The following PDE1C variants were observed in gnomAD, a reference collection of about 807,000 sequenced individuals.
PDE1C encodes dual specificity calcium/calmodulin-dependent 3',5'-cyclic nucleotide phosphodiesterase 1C.
A neutral mutation model predicts 93.1 loss-of-function variants in PDE1C; 62 were observed. The ratio of observed to expected loss-of-function variants is 0.67; its 90% CI spans 0.54 to 0.82. The LOEUF (loss-of-function observed/expected upper bound fraction) is 0.82. PDE1C is among the 40% of genes least tolerant of loss of function. The probability of loss-of-function intolerance (pLI) is 0.00; values close to 1 mark genes in which losing one functional copy is unlikely to be tolerated. For missense variants in PDE1C, 742 were observed against 884.6 expected (o/e 0.84, Z 2.04); for synonymous variants, 325 against 310.1 (o/e 1.05, Z -0.50).
the PDE1C span, among the ~76,000 whole-genome samples, chr7:31,713,349 C>T: frequency 3.9e-5 from 6 of 152,246 alleles, no homozygotes; most frequent in Admixed American, 6.5e-5. Flanking sequence ...ATCCAGGTCA[C>T]GCTGATGCAA....
At chr7:32,076,176 G>C (rs995422880), upstream of PDE1C, among the ~76,000 whole-genome samples, 1 of 152,186 alleles carries the variant, frequency 6.6e-6, no homozygotes. Context: ...AGAGTGATTG[G>C]TCCAGGGGGT....
chr7:32,347,388 A>G (rs1197566884), intron 1 of PDE1C, among the ~76,000 whole-genome samples: 1 of 152,212 alleles, frequency 6.6e-6, no homozygotes, highest in Non-Finnish European at 1.5e-5. Flanking sequence ...TGTTATTAGA[A>G]TAAGAATCAA....
rs562937850 is a variant in PDE1C, at chr7:32,270,731, A to T, written c.85+27920T>A. ...CTTGGGGCATGAGGATACACAGTGC[A>T]GAGGGCTCTGGAGCACGTGGGATCC... On this transcript the variant is annotated intron_variant, in intron 1 of 18. Coordinates refer to the PDE1C transcript ENST00000396193. 3.3e-5 allele frequency among the ~76,000 whole-genome samples: 5 copies of T among 152,280 alleles called. No homozygotes were observed. The South Asian group carries it at 1.0e-3, about 32-fold the overall frequency.
chr7:31,705,005 C>G, the PDE1C span, among the ~76,000 whole-genome samples: 21 of 152,118 alleles, frequency 1.4e-4, no homozygotes, highest in African/African-American at 5.1e-4. Flanking sequence ...TCCATGAAAT[C>G]AAGATTTCTA....
At chr7:31,845,561 G>A (rs1364458501) in intron 9 of PDE1C, among the ~76,000 whole-genome samples, 1 of 152,054 alleles carries the variant, frequency 6.6e-6, no homozygotes, top group Non-Finnish European at 1.5e-5. Context: ...ATAGCATTAG[G>A]AGAAATACCT....
the PDE1C span, among the ~76,000 whole-genome samples, chr7:31,668,810 T>TA: frequency 0.73 from 111,366 of 151,904 alleles, 40,972 homozygotes; most frequent in East Asian, 0.82. Flanking sequence ...TTGTTCCCTT[T>TA]AATTGTATTG....
chr7:31,816,167 C>A lies in PDE1C; in HGVS notation c.1583-13G>T, dbSNP rs773786384. ...TTGGCCTTCTCCTCTGCATCCATGG[C>A]AAGTTGGGAAAGCCACAGAAAAGAG... On this transcript the variant is annotated splice_polypyrimidine_tract_variant and intron_variant, in intron 14 of 17. Coordinates refer to ENST00000396191, the MANE Select transcript of PDE1C (RefSeq NM_001191057.4). 3.1e-6 allele frequency: 5 copies of A among 1,609,522 alleles called. No homozygotes were observed. The East Asian group carries it at 1.1e-4, about 36-fold the overall frequency.
intron 3 of PDE1C, among the ~76,000 whole-genome samples, chr7:32,147,330 A>AAGAAAGAAAGAC (rs1800957084): frequency 1.3e-5 from 2 of 149,910 alleles, no homozygotes; most frequent in Admixed American, 6.7e-5. Flanking sequence ...GAAAGAAAGA[A>AAGAAAGAAAGAC]AGACGCTGTT....
At chr7:31,688,311 C>T in the PDE1C span, among the ~76,000 whole-genome samples, 4 of 152,218 alleles carry the variant, frequency 2.6e-5, no homozygotes, top group African/African-American at 4.8e-5. Flanking sequence ...AGCAGCCAAA[C>T]GTTGGCTTCT....
intron 13 of PDE1C, 90 bp downstream of exon 13, chr7:31,824,777 T>C (rs1462074667): frequency 1.2e-5 from 18 of 1,524,562 alleles, no homozygotes; most frequent in Non-Finnish European, 1.4e-5. Flanking sequence ...AATGCCATTA[T>C]GAAATACCAT....
chr7:31,841,233 A>C (rs374785018), intron 9 of PDE1C, among the ~76,000 whole-genome samples: 62 of 61,650 alleles, frequency 1.0e-3, no homozygotes, highest in Middle Eastern at 0.01. Flanking sequence ...CTCTCTATAT[A>C]TATATATATA....
intron 1 of PDE1C, among the ~76,000 whole-genome samples, chr7:32,056,385 A>T (rs868852724): frequency 6.9e-6 from 1 of 145,030 alleles, no homozygotes; most frequent in Non-Finnish European, 1.5e-5. Context: ...ACACACACAC[A>T]CACACACACA....
intron 2 of PDE1C, among the ~76,000 whole-genome samples, chr7:32,005,953 T>C (rs900166954): frequency 1.3e-5 from 2 of 152,222 alleles, no homozygotes; most frequent in African/African-American, 4.8e-5. Context: ...TTTCCAGTAC[T>C]ATAAAAGATA....
chr7:32,149,691 T>C (rs1310019128), intron 3 of PDE1C, among the ~76,000 whole-genome samples: 1 of 152,210 alleles, frequency 6.6e-6, no homozygotes, highest in African/African-American at 2.4e-5. Context: ...AACGTGATAC[T>C]ATGTGATCAA....
At chr7:32,086,553 C>T (rs1797092148) in intron 3 of PDE1C, among the ~76,000 whole-genome samples, 1 of 151,966 alleles carries the variant, frequency 6.6e-6, no homozygotes, top group Non-Finnish European at 1.5e-5. Context: ...CCAAGTCAAT[C>T]CTAAGCCAAA....
chr7:31,796,763 C>T lies in PDE1C; in HGVS notation c.1891+12268G>A, dbSNP rs139876302. On this transcript the variant is annotated intron_variant, in intron 16 of 17. Coordinates refer to ENST00000396191, the MANE Select transcript of PDE1C (RefSeq NM_001191057.4). Reference sequence around the variant, plus strand: ...AACCAATTACGTTGGGTTTAAGCATCACTGAATTCACAGTAGCTCTTATTG... The same window carrying T: ...AACCAATTACGTTGGGTTTAAGCATTACTGAATTCACAGTAGCTCTTATTG... Among the ~76,000 whole-genome samples the T allele has an allele frequency of 6.6e-5, 10 of 151,822 alleles. No homozygotes were observed. The East Asian group carries it at 1.9e-3, about 30-fold the overall frequency.
In PDE1C at chr7:32,188,776, T is replaced by G. The variant is rs899672125; in HGVS notation, c.137-18820A>C. Among the ~76,000 whole-genome samples, 33 of 152,266 alleles carry G rather than the reference T, an allele frequency of 2.2e-4. 1 individual carries two copies. Among genetic ancestry groups the G allele is most frequent in the African/African-American group, 7.9e-4 (33 of 41,566 alleles). ...TATTTGAAGTTTCATTTTAGATTTA[T>G]CCCTAGTTTAATCATTCTGGAGTGC... On this transcript the variant is annotated intron_variant, in intron 2 of 18. Coordinates refer to the PDE1C transcript ENST00000396193.
rs550782179 is a variant in PDE1C at position 31,811,341 on chromosome 7, G to T, written c.1814-2233C>A. ...TCCTTTATAAATGACCCAGTCTTGG[G>T]TATGTCTTTATCAGCAGTGTGAAAA... On this transcript the variant is annotated intron_variant, in intron 15 of 17. Coordinates refer to ENST00000396191, the MANE Select transcript of PDE1C (RefSeq NM_001191057.4). Among the ~76,000 whole-genome samples the T allele has an allele frequency of 2.0e-5, 3 of 152,116 alleles. No homozygotes were observed. The East Asian group carries it at 5.8e-4, about 30-fold the overall frequency.
the PDE1C span, among the ~76,000 whole-genome samples, chr7:31,689,047 T>C: frequency 6.6e-6 from 1 of 152,356 alleles, no homozygotes; most frequent in South Asian, 2.1e-4. Flanking sequence ...AAATAATGGA[T>C]GTGACTGCTG....
Sources: allele counts gnomAD v4.1 joint callset (sites outside exome capture counted in the v4.1 genomes callset), GRCh38; gene constraint gnomAD v4.1.1; transcripts MANE v1.5; gene names NCBI Gene and HGNC (gene_info 2026-07-23, HGNC 2026-07-21).